Variants in PIKFYVE observed in about 807,000 individuals in gnomAD.
The protein encoded by PIKFYVE is phosphoinositide kinase, FYVE-type zinc finger containing.
Under a neutral mutation model 257.9 loss-of-function variants are expected in PIKFYVE, and 122 were observed. That is an observed-to-expected ratio of 0.47 (90% CI 0.41 to 0.55). The LOEUF (loss-of-function observed/expected upper bound fraction) is 0.55, where lower values mean the gene tolerates loss of function less well. PIKFYVE is among the 20% of genes least tolerant of loss of function. The probability of loss-of-function intolerance (pLI) is 0.00; values close to 1 mark genes in which losing one functional copy is unlikely to be tolerated. For synonymous variants in PIKFYVE, 892 were observed against 868.9 expected, an observed-to-expected ratio of 1.03 and a Z score of -0.47; for missense variants, 2,160 against 2,536.6, an observed-to-expected ratio of 0.85 and a Z score of 3.19.
intron 12 of PIKFYVE, among the ~76,000 whole-genome samples, chr2:208,308,018 A>G (rs1694530233): frequency 6.6e-6 from 1 of 152,248 alleles, no homozygotes; most frequent in South Asian, 2.1e-4. Context: ...AAGTATGTAT[A>G]AAATATGGAA....
chr2:208,329,961 C>A, intron 22 of PIKFYVE, 48 bp downstream of exon 22: 2 of 1,597,716 alleles, frequency 1.3e-6, no homozygotes, highest in South Asian at 2.2e-5. Context: ...TTTTGATGCT[C>A]AAAATTTCAA....
chr2:208,300,894 C>T (rs755169059), intron 8 of PIKFYVE, 43 bp from the exon 9 acceptor site: 8 of 1,610,898 alleles, frequency 5.0e-6, no homozygotes, highest in Middle Eastern at 1.6e-4. Flanking sequence ...AGGTATATAG[C>T]ATTTTTCTCA....
intron 36 of PIKFYVE, among the ~76,000 whole-genome samples, chr2:208,350,503 T>G (rs954358540): frequency 2.0e-5 from 3 of 152,174 alleles, no homozygotes; most frequent in African/African-American, 7.2e-5. Context: ...AAGTGTAAAA[T>G]TAGAACTGAG....
At chr2:208,306,638 G>A (rs574531474) in intron 12 of PIKFYVE, among the ~76,000 whole-genome samples, 5 of 152,252 alleles carry the variant, frequency 3.3e-5, no homozygotes, top group South Asian at 2.1e-4. Context: ...GAGAACATTC[G>A]GAGTGGAATG....
chr2:208,287,682 C>T (rs1446442540), intron 6 of PIKFYVE, among the ~76,000 whole-genome samples: 1 of 152,114 alleles, frequency 6.6e-6, no homozygotes, highest in African/African-American at 2.4e-5. Flanking sequence ...CTCACTGCAA[C>T]CTCCGCCTCC....
In PIKFYVE at chr2:208,328,258, C is replaced by T. The variant is rs1365205148; in HGVS notation, c.3697C>T (p.Pro1233Ser). The change falls in exon 21 of 42, where the codon CCT (proline) becomes TCT (serine). Residue 1233 changes from proline to serine, a missense_variant. Physicochemically the swap from Pro to Ser is moderately conservative, Grantham distance 74. Coordinates refer to ENST00000264380, the MANE Select transcript of PIKFYVE (RefSeq NM_015040.4). ...CTCTTCTGCCCAGTCCAGCAATGCTCCTAGTGCCTGTGTCAGTCCTTGGTA... is the reference window on the plus strand; with the variant it reads ...CTCTTCTGCCCAGTCCAGCAATGCTTCTAGTGCCTGTGTCAGTCCTTGGTA... ...SSSSAQSSNA[P>S]SACVSPWIVT... The T allele has an allele frequency of 2.5e-6, 4 of 1,613,928 alleles. No individual in the cohort carries two copies. The highest frequency in any genetic ancestry group is 1.3e-5 in the African/African-American group (1 of 75,024).
Position 208,319,627 on chromosome 2 carries a change from C to G in PIKFYVE, c.2083-625C>G, listed in dbSNP as rs1232972866. Among the ~76,000 whole-genome samples, 13 of 152,134 alleles carry G rather than the reference C, an allele frequency of 8.5e-5. 1 individual carries two copies. The highest frequency in any genetic ancestry group is 7.9e-4 in the Admixed American group (12 of 15,274). ...TCGGAACTGTTTGCCAGTTTGGGGT[C>G]CATAAACTTGGTCAGCCTGAAACCT... On this transcript the variant is annotated intron_variant, in intron 16 of 41. Transcript: ENST00000264380.
intron 41 of PIKFYVE, 136 bp downstream of exon 41, chr2:208,354,781 A>T: frequency 1.4e-6 from 1 of 735,328 alleles, no homozygotes; most frequent in Admixed American, 2.3e-5. Flanking sequence ...TTCTAAAGTG[A>T]CCAAACAATA....
At chr2:208,306,201 G>C (rs971212515) in intron 12 of PIKFYVE, among the ~76,000 whole-genome samples, 1 of 152,186 alleles carries the variant, frequency 6.6e-6, no homozygotes, top group African/African-American at 2.4e-5. Context: ...AATGAGACTT[G>C]ACTAGCATTG....
intron 11 of PIKFYVE, 69 bp from the exon 12 acceptor site, chr2:208,304,777 T>A: frequency 6.9e-7 from 1 of 1,455,480 alleles, no homozygotes; most frequent in Non-Finnish European, 9.7e-7. Flanking sequence ...TTTCCTCCAA[T>A]ACCCTGATAA....
intron 31 of PIKFYVE, among the ~76,000 whole-genome samples, chr2:208,342,171 T>G (rs191243175): frequency 3.9e-5 from 6 of 152,324 alleles, no homozygotes; most frequent in African/African-American, 7.2e-5. Context: ...TGTGTGATAA[T>G]AGTAAAGTGG....
chr2:208,331,872 T>C (rs571443811), intron 23 of PIKFYVE, among the ~76,000 whole-genome samples: 2 of 152,338 alleles, frequency 1.3e-5, no homozygotes, highest in South Asian at 4.1e-4. Flanking sequence ...CGACTTTAGT[T>C]CCTATTAGTT....
chr2:208,307,331 C>G (rs1180300754), intron 12 of PIKFYVE, among the ~76,000 whole-genome samples: 1 of 152,146 alleles, frequency 6.6e-6, no homozygotes, highest in Non-Finnish European at 1.5e-5. Flanking sequence ...TCTTTTTCCT[C>G]CCCGCTCTTT....
intron 5 of PIKFYVE, among the ~76,000 whole-genome samples, chr2:208,277,934 C>T (rs964468743): frequency 6.6e-6 from 1 of 152,020 alleles, no homozygotes; most frequent in African/African-American, 2.4e-5. Context: ...ATTGTAGATG[C>T]TAGCAAAAAA....
At position 208,357,184 on chromosome 2, in the gene PIKFYVE, A is replaced by C. The variant is rs894136086; in HGVS notation, c.*1879A>C. 3.9e-5 allele frequency: 6 copies of C among 152,234 alleles called. No homozygotes were observed. The highest frequency in any genetic ancestry group is 2.9e-5 in the Non-Finnish European group (2 of 68,034). The allele number at this position is 152,234 out of a possible 1,614,324, so 9.4% of individuals were successfully genotyped here. A position where few individuals can be genotyped will look rare whatever the true frequency, so the allele number is the denominator to read the frequency against. On this transcript the variant is annotated 3_prime_UTR_variant, in exon 42 of 42. Transcript: ENST00000264380. The stretch of plus-strand genomic sequence containing the variant: ...TTAAAGGAGCTGTACAGAGGTAAAA[A>C]AATAAATGTGGAACATTATTAACTT...
At chr2:208,305,079 C>T in intron 12 of PIKFYVE, 66 bp downstream of exon 12, 1 of 1,605,174 alleles carries the variant, frequency 6.2e-7, no homozygotes, top group East Asian at 2.3e-5. Context: ...GATCTCATGC[C>T]AGCCTGTCCT....
chr2:208,332,458 C>A (rs1697654041), intron 23 of PIKFYVE, among the ~76,000 whole-genome samples: 1 of 151,984 alleles, frequency 6.6e-6, no homozygotes, highest in Non-Finnish European at 1.5e-5. Flanking sequence ...CAATTCCCAC[C>A]TTTATTAATT....
At chr2:208,332,753 GTA>G (rs1229375035) in intron 23 of PIKFYVE, among the ~76,000 whole-genome samples, 7 of 151,842 alleles carry the variant, frequency 4.6e-5, no homozygotes, top group Non-Finnish European at 8.8e-5. Flanking sequence ...ATGTATATAT[GTA>G]TATGTGTGTG....
chr2:208,315,183 A>G lies in PIKFYVE; in HGVS notation c.1827-10A>G. ...ACTATGCAAACTTCTTTCTTATAAT[A>G]TTTTTGTAGTTCAGCTAATCATAAC... On this transcript the variant is annotated splice_polypyrimidine_tract_variant and intron_variant, in intron 14 of 41. Transcript: ENST00000264380. The G allele has an allele frequency of 6.2e-7, 1 of 1,609,986 alleles. No individual in the cohort carries two copies. Among genetic ancestry groups the G allele is most frequent in the Non-Finnish European group, 8.5e-7 (1 of 1,176,518 alleles).
Sources: allele counts gnomAD v4.1 joint callset (sites outside exome capture counted in the v4.1 genomes callset), GRCh38; gene constraint gnomAD v4.1.1; transcripts MANE v1.5; gene names NCBI Gene and HGNC (gene_info 2026-07-23, HGNC 2026-07-21).